Variants in PARN observed in about 807,000 individuals in gnomAD.
PARN encodes the protein poly(A)-specific ribonuclease.
A neutral mutation model predicts 102.8 loss-of-function variants in PARN; 71 were observed. That is an observed-to-expected ratio of 0.69 (90% CI 0.57 to 0.84). The LOEUF is 0.84. Ranked by LOEUF, PARN falls within the 40% of genes least tolerant of loss-of-function variation. The probability of loss-of-function intolerance (pLI) is 0.00; values close to 1 mark genes in which losing one functional copy is unlikely to be tolerated. For missense variants in PARN, 782 were observed against 760.9 expected (o/e 1.03, Z -0.33); for synonymous variants, 261 against 252.9 (o/e 1.03, Z -0.30).
chr16:14,602,679 A>G (rs559829321), intron 11 of PARN, among the ~76,000 whole-genome samples: 2 of 152,058 alleles, frequency 1.3e-5, no homozygotes, highest in African/African-American at 4.8e-5. Context: ...ATCAGGAGGG[A>G]AGGGTGGGAG....
intron 18 of PARN, 143 bp downstream of exon 18, chr16:14,580,731 A>C (rs1336979870): frequency 1.9e-6 from 1 of 525,322 alleles, no homozygotes; most frequent in Admixed American, 3.0e-5. Context: ...TTCTACTTTC[A>C]AAAAACATGT....
intron 16 of PARN, among the ~76,000 whole-genome samples, chr16:14,583,212 C>T (rs1248215083): frequency 1.3e-5 from 2 of 152,196 alleles, no homozygotes; most frequent in East Asian, 3.8e-4. Context: ...AATTCTCTAC[C>T]AGATACCACT....
intron 21 of PARN, among the ~76,000 whole-genome samples, chr16:14,536,010 A>G (rs978607148): frequency 8.5e-5 from 13 of 152,146 alleles, no homozygotes; most frequent in African/African-American, 3.1e-4. Context: ...AAAGCATATA[A>G]TGCTTTTTTA....
intron 21 of PARN, among the ~76,000 whole-genome samples, chr16:14,520,583 C>T (rs576793593): frequency 1.3e-5 from 2 of 152,016 alleles, no homozygotes; most frequent in African/African-American, 4.8e-5. Context: ...CCTGTAGTCC[C>T]AACTACTAGG....
intron 18 of PARN, among the ~76,000 whole-genome samples, chr16:14,569,823 G>T (rs1968677146): frequency 6.6e-6 from 1 of 152,050 alleles, no homozygotes; most frequent in African/African-American, 2.4e-5. Flanking sequence ...TCTGTTTGGG[G>T]TGACGAAAAA....
At chr16:14,591,585 T>C (rs955904815) in intron 13 of PARN, among the ~76,000 whole-genome samples, 1 of 152,164 alleles carries the variant, frequency 6.6e-6, no homozygotes, top group Admixed American at 6.5e-5. Flanking sequence ...ACAGAAACTA[T>C]GCAGCATGGA....
intron 22 of PARN, among the ~76,000 whole-genome samples, chr16:14,481,695 C>T (rs1490977134): frequency 6.6e-6 from 1 of 152,108 alleles, no homozygotes; most frequent in Non-Finnish European, 1.5e-5. Flanking sequence ...GAAATATTAA[C>T]AGTGATTGCT....
Position 14,443,479 on chromosome 16 carries a change from T to C in PARN, c.1864+3409A>G, listed in dbSNP as rs867558070. On this transcript the variant is annotated intron_variant, in intron 23 of 23. Coordinates refer to ENST00000437198, the MANE Select transcript of PARN (RefSeq NM_002582.4). ...CCTCAGCCTCCCAAGTAGCTGGGAT[T>C]ACAGGTGTGCACCACCATGCCAGGC... Among the ~76,000 whole-genome samples the C allele has an allele frequency of 8.5e-5, 13 of 152,174 alleles. 1 individual carries two copies. The South Asian group carries it at 1.7e-3, about 19-fold the overall frequency.
At chr16:14,563,841 T>C (rs966485650) in intron 18 of PARN, among the ~76,000 whole-genome samples, 4 of 152,138 alleles carry the variant, frequency 2.6e-5, no homozygotes, top group African/African-American at 4.8e-5. Flanking sequence ...GCTTTTTTTC[T>C]TCTGGGCTGA....
intron 1 of PARN, 42 bp from the exon 2 acceptor site, chr16:14,629,716 ATTCC>A: frequency 6.9e-7 from 1 of 1,439,462 alleles, no homozygotes; most frequent in Non-Finnish European, 9.8e-7. Flanking sequence ...AGTGGCCTGA[ATTCC>A]TGCTAAGGGG....
chr16:14,547,730 C>T (rs1031602247), intron 21 of PARN, among the ~76,000 whole-genome samples: 3 of 150,996 alleles, frequency 2.0e-5, no homozygotes, highest in African/African-American at 7.3e-5. Context: ...TCAAAAATGG[C>T]TTTAAAAATC....
At chr16:14,616,120 A>G (rs750897792) in intron 6 of PARN, among the ~76,000 whole-genome samples, 12 of 152,228 alleles carry the variant, frequency 7.9e-5, no homozygotes, top group Non-Finnish European at 1.8e-4. Flanking sequence ...TTAAATTAAA[A>G]TATTGACCTT....
chr16:14,472,203 T>C (rs1567302146), intron 22 of PARN, among the ~76,000 whole-genome samples: 1 of 152,244 alleles, frequency 6.6e-6, no homozygotes, highest in Non-Finnish European at 1.5e-5. Context: ...TTTGTGTACA[T>C]TACATGGTAA....
chr16:14,494,363 C>T (rs1964204900), intron 21 of PARN, among the ~76,000 whole-genome samples: 1 of 152,192 alleles, frequency 6.6e-6, no homozygotes, highest in Non-Finnish European at 1.5e-5. Context: ...CCATCACCCA[C>T]GGGCTGAGGG....
chr16:14,564,439 G>C (rs1167830843), intron 18 of PARN, among the ~76,000 whole-genome samples: 1 of 152,174 alleles, frequency 6.6e-6, no homozygotes, highest in Non-Finnish European at 1.5e-5. Context: ...CCATGTGGCC[G>C]GAGATCAAAA....
chr16:14,447,622 T>C (rs887302642), intron 22 of PARN, among the ~76,000 whole-genome samples: 1 of 152,256 alleles, frequency 6.6e-6, no homozygotes, highest in Non-Finnish European at 1.5e-5. Context: ...GTTAAATGTA[T>C]AATTAAATGT....
chr16:14,536,894 T>C (rs1264265738), intron 21 of PARN, among the ~76,000 whole-genome samples: 1 of 152,050 alleles, frequency 6.6e-6, no homozygotes, highest in Non-Finnish European at 1.5e-5. Flanking sequence ...AGACAAAGAT[T>C]TTACAGCTAA....
At chr16:14,553,915 T>C in intron 20 of PARN, 150 bp downstream of exon 20, 1 of 617,858 alleles carries the variant, frequency 1.6e-6, no homozygotes, top group Non-Finnish European at 2.9e-6. Flanking sequence ...AAGATAACAG[T>C]ATCCTAAACC....
At chr16:14,454,141 A>G (rs1176691848) in intron 22 of PARN, among the ~76,000 whole-genome samples, 1 of 152,186 alleles carries the variant, frequency 6.6e-6, no homozygotes, top group African/African-American at 2.4e-5. Context: ...TGATCATGAT[A>G]CAACTATTTT....
Sources: allele counts gnomAD v4.1 joint callset (sites outside exome capture counted in the v4.1 genomes callset), GRCh38; gene constraint gnomAD v4.1.1; transcripts MANE v1.5; gene names NCBI Gene and HGNC (gene_info 2026-07-23, HGNC 2026-07-21).